The following HELZ variants were observed in gnomAD, a reference collection of about 807,000 sequenced individuals.
HELZ encodes helicase with zinc finger.
HELZ carries 23 observed loss-of-function variants against 218.2 expected under a neutral mutation model. The observed-to-expected ratio is 0.11, with a 90% CI of 0.08 to 0.15. HELZ has a LOEUF of 0.15. HELZ is among the 10% of genes least tolerant of loss of function. The pLI, the probability that HELZ is intolerant of heterozygous loss-of-function variation, is 1.00. For synonymous variants in HELZ, 814 were observed against 829.4 expected (o/e 0.98, Z 0.32); for missense variants, 1,813 against 2,353.7 (o/e 0.77, Z 4.75).
At chr17:67,244,760 C>A (rs904203627) in intron 1 of HELZ, 11 of 984,672 alleles carry the variant, frequency 1.1e-5, no homozygotes, top group Non-Finnish European at 3.6e-6. Context: ...ACGCTCCCCA[C>A]CCCCAGCCGC....
Position 67,101,067 on chromosome 17 carries a change from G to A in HELZ, c.5241+6102C>T, listed in dbSNP as rs541263578. ...GGAGCTTGCAGTGAGCCCAGATAGC[G>A]CCACTGCACTGCAGCCTGGGTGACA... On this transcript the variant is annotated intron_variant, in intron 31 of 32. Transcript: ENST00000358691. 3.7e-4 allele frequency among the ~76,000 whole-genome samples: 55 copies of A among 147,314 alleles called. 1 individual carries two copies. In the South Asian group the frequency reaches 0.011, roughly 30 times the overall value.
rs8066806 is a variant in HELZ at position 67,202,603 on chromosome 17, A to C, written c.372+716T>G. Among the ~76,000 whole-genome samples the C allele has an allele frequency of 5.5e-3, 839 of 152,182 alleles. 8 individuals are homozygous for C. The highest frequency in any genetic ancestry group is 0.019 in the African/African-American group (800 of 41,494). On this transcript the variant is annotated intron_variant, in intron 6 of 32. Coordinates refer to ENST00000358691, the MANE Select transcript of HELZ (RefSeq NM_014877.4). Reference sequence around the variant, plus strand: ...TTATGGATATTACTTACACACATACAAACAGAAACAGAAGCACTTATTAGT... The same window carrying C: ...TTATGGATATTACTTACACACATACCAACAGAAACAGAAGCACTTATTAGT...
At chr17:67,241,104 T>C (rs773899541) in intron 2 of HELZ, among the ~76,000 whole-genome samples, 9 of 152,216 alleles carry the variant, frequency 5.9e-5, no homozygotes, top group Non-Finnish European at 8.8e-5. Flanking sequence ...CTGAAATGAA[T>C]GGTAAGATAG....
At chr17:67,090,413 G>C (rs540447567) in intron 31 of HELZ, among the ~76,000 whole-genome samples, 54 of 152,208 alleles carry the variant, frequency 3.5e-4, no homozygotes, top group African/African-American at 1.1e-3. Flanking sequence ...AGTAATGCTG[G>C]CCATATACAA....
At chr17:67,160,627 A>C (rs1332482855) in intron 16 of HELZ, among the ~76,000 whole-genome samples, 1 of 152,208 alleles carries the variant, frequency 6.6e-6, no homozygotes, top group East Asian at 1.9e-4. Flanking sequence ...TCTAATAGAT[A>C]CCACAATTCC....
intron 24 of HELZ, 196 bp downstream of exon 24, chr17:67,128,455 C>T: frequency 1.7e-6 from 1 of 603,820 alleles, no homozygotes; most frequent in South Asian, 2.0e-5. Context: ...ATGATCATAA[C>T]ATTAAGCATG....
intron 31 of HELZ, among the ~76,000 whole-genome samples, chr17:67,099,254 C>G (rs187922086): frequency 8.5e-5 from 13 of 152,270 alleles, no homozygotes; most frequent in African/African-American, 2.9e-4. Flanking sequence ...TTCAGCCAAT[C>G]AGATTGTTCC....
intron 31 of HELZ, among the ~76,000 whole-genome samples, chr17:67,092,454 G>A (rs1024459299): frequency 2.0e-5 from 3 of 152,078 alleles, no homozygotes; most frequent in African/African-American, 7.2e-5. Context: ...GTCTATACAG[G>A]AAACAGCTGG....
At chr17:67,152,890 G>A (rs1420174575) in intron 17 of HELZ, among the ~76,000 whole-genome samples, 4 of 152,062 alleles carry the variant, frequency 2.6e-5, no homozygotes, top group Non-Finnish European at 5.9e-5. Context: ...AGGAGAGCAT[G>A]GGGTATTGGA....
chr17:67,224,925 G>A, intron 3 of HELZ: 2 of 721,622 alleles, frequency 2.8e-6, no homozygotes, highest in South Asian at 2.7e-5. Flanking sequence ...AGACGACTGT[G>A]CTAAGACTTG....
upstream of HELZ, chr17:67,245,411 G>A: frequency 1.1e-6 from 1 of 880,506 alleles, no homozygotes; most frequent in East Asian, 1.2e-4. Context: ...TGGCTTTGGG[G>A]TTTTCTCCCT....
Position 67,108,385 on chromosome 17 carries a change from A to C in HELZ, c.4724+107T>G. The C allele has an allele frequency of 1.2e-6, 1 of 807,766 alleles. No homozygotes were observed. Among genetic ancestry groups the C allele is most frequent in the Non-Finnish European group, 2.0e-6 (1 of 491,742 alleles). The allele number at this position is 807,766 out of a possible 1,614,324, so 50.0% of individuals were successfully genotyped here. A position where few individuals can be genotyped will look rare whatever the true frequency, so the allele number is the denominator to read the frequency against. On this transcript the variant is annotated intron_variant, in intron 30 of 32. Coordinates refer to ENST00000358691, the MANE Select transcript of HELZ (RefSeq NM_014877.4). This position sits in a 1 kb window ranked among gnomAD's most constrained non-coding sequence, Gnocchi z 4.1. ...GCGTGTGCTTGGAAGGCCAGCATCC[A>C]ATTTCTCTGAGGCAATATTCCAGCT...
intron 15 of HELZ, 60 bp downstream of exon 15, chr17:67,166,418 T>C (rs995638249): frequency 7.1e-6 from 10 of 1,406,002 alleles, no homozygotes; most frequent in African/African-American, 1.4e-5. Context: ...AGTTATTTGA[T>C]ACAGATATTC....
chr17:67,128,900 G>T, intron 23 of HELZ, 45 bp from the exon 24 acceptor site: 2 of 1,371,182 alleles, frequency 1.5e-6, no homozygotes, highest in Non-Finnish European at 2.1e-6. Flanking sequence ...CAATGGATGA[G>T]ATCACAGAAA....
At chr17:67,212,320 A>AAAAAAAAAAAAAAAC (rs1307588203) in intron 5 of HELZ, among the ~76,000 whole-genome samples, 1 of 145,090 alleles carries the variant, frequency 6.9e-6, no homozygotes, top group African/African-American at 2.5e-5. Flanking sequence ...ATCTCAAAAA[A>AAAAAAAAAAAAAAAC]AAAAAAAAAA....
At position 67,107,670 on chromosome 17, in the gene HELZ, G is replaced by C. The variant is rs2037149745; in HGVS notation, c.4740C>G (p.Ile1580Met). The C allele has an allele frequency of 6.2e-7, 1 of 1,612,324 alleles. No homozygotes were observed. Among genetic ancestry groups the C allele is most frequent in the Non-Finnish European group, 8.5e-7 (1 of 1,179,424 alleles). The change falls in exon 31 of 33, where the codon ATC becomes ATG. Residue 1580 changes from isoleucine (I) to methionine (M), a missense_variant. Ile to Met is a conservative substitution (Grantham distance 10). Coordinates refer to ENST00000358691, the MANE Select transcript of HELZ (RefSeq NM_014877.4). ...TTTGATCACGATGAGACAGTTCTCT[G>C]ATTAAGTCTTGAAACCTACATGAAA... ...ETTYSRFQDL[I>M]RELSHRDQSE...
rs1210399552 is a variant in HELZ at position 67,203,311 on chromosome 17, C to T, written c.372+8G>A. ...TCAGGCATACAAAATTAGAGCTTAT[C>T]AACATACCAGGGACTCTCCTGTGAG... On this transcript the variant is annotated splice_region_variant and intron_variant, in intron 6 of 32. Coordinates refer to ENST00000358691, the MANE Select transcript of HELZ (RefSeq NM_014877.4). 1.2e-6 allele frequency: 2 copies of T among 1,613,234 alleles called. No individual in the cohort carries two copies. The highest frequency in any genetic ancestry group is 1.7e-6 in the Non-Finnish European group (2 of 1,179,600).
chr17:67,159,959 T>C (rs1369369354), intron 17 of HELZ, among the ~76,000 whole-genome samples: 1 of 152,188 alleles, frequency 6.6e-6, no homozygotes, highest in African/African-American at 2.4e-5. Flanking sequence ...ATTTAAGTTA[T>C]CATATTTATA....
rs752355730 is a variant in HELZ at position 67,128,666 on chromosome 17, C to T, written c.3372G>A (p.Gln1124=). The change falls in exon 24 of 33, where the codon CAG becomes CAA. Residue 1124 remains glutamine (Q), a synonymous_variant. Transcript: ENST00000358691. ...GAGGCTTTACCTTGGGTGGTGATTG[C>T]TGCTGTTTGTTGGTACTTCCTGAAT... ...LQHSGSTNKQ[Q]QSPPKGKSLH... is the part of the protein sequence containing the mutation. 5.6e-6 allele frequency: 9 copies of T among 1,613,936 alleles called. No individual in the cohort carries two copies. In the African/African-American group the frequency reaches 1.1e-4, roughly 19 times the overall value.
Sources: gnomAD v4.1 joint callset for allele counts (sites outside exome capture counted in the v4.1 genomes callset) on GRCh38, gnomAD v4.1.1 for gene constraint, Gnocchi (gnomAD v3.1) non-coding constraint, MANE v1.5 for transcripts, NCBI Gene and HGNC (gene_info 2026-07-23, HGNC 2026-07-21) for gene names.